The following CARMIL1 variants were observed in gnomAD, a reference collection of about 807,000 sequenced individuals.
The protein encoded by CARMIL1 is F-actin-uncapping protein LRRC16A.
In CARMIL1, 90 loss-of-function variants were observed where a neutral mutation model predicts 177.1. That is an observed-to-expected ratio of 0.51 (90% CI 0.43 to 0.61). The LOEUF is 0.61. CARMIL1 is among the 20% of genes least tolerant of loss of function. The probability of loss-of-function intolerance (pLI) is 0.00; values close to 1 mark genes in which losing one functional copy is unlikely to be tolerated. For missense variants in CARMIL1, 1,380 were observed against 1,667.0 expected, an observed-to-expected ratio of 0.83 and a Z score of 3.00; for synonymous variants, 577 against 606.2, an observed-to-expected ratio of 0.95 and a Z score of 0.71.
chr6:25,426,615 A>C (rs1796303458), intron 4 of CARMIL1, 55 bp downstream of exon 4: 1 of 1,507,974 alleles, frequency 6.6e-7, no homozygotes, highest in East Asian at 2.3e-5. Flanking sequence ...AATTCTTGAA[A>C]CCCTAAAATG....
intron 2 of CARMIL1, among the ~76,000 whole-genome samples, chr6:25,321,538 T>C (rs2150240231): frequency 6.6e-6 from 1 of 152,268 alleles, no homozygotes; most frequent in East Asian, 1.9e-4. Flanking sequence ...TAAGGTAATT[T>C]TCTGTATAAA....
chr6:25,484,241 G>C lies in CARMIL1; in HGVS notation c.961+1898G>C, dbSNP rs187198262. On this transcript the variant is annotated intron_variant, in intron 12 of 36. Transcript: ENST00000329474. ...TTCTGGACAATAAGGGCTTTGCCTC[G>C]TTCATTGCTGTGTCCTGGCACTTCT... Among the ~76,000 whole-genome samples the C allele has an allele frequency of 6.5e-3, 993 of 152,256 alleles. 14 individuals carry two copies. The highest frequency in any genetic ancestry group is 0.02 in the African/African-American group (822 of 41,552).
intron 8 of CARMIL1, 111 bp downstream of exon 8, chr6:25,450,822 TCCCTC>T: frequency 1.3e-4 from 2 of 15,880 alleles, no homozygotes; most frequent in Non-Finnish European, 2.6e-4. Context: ...CCCCTCCCCT[TCCCTC>T]CCCTTCCCTC....
chr6:25,475,296 C>T (rs1335666275), intron 11 of CARMIL1, among the ~76,000 whole-genome samples: 3 of 151,412 alleles, frequency 2.0e-5, no homozygotes, highest in Non-Finnish European at 2.9e-5. Flanking sequence ...CCCAGCTACT[C>T]GGGAGGCTGA....
At chr6:25,391,010 G>A (rs934420025) in intron 2 of CARMIL1, among the ~76,000 whole-genome samples, 3 of 152,208 alleles carry the variant, frequency 2.0e-5, no homozygotes, top group Non-Finnish European at 4.4e-5. Flanking sequence ...CCACTTTGTG[G>A]CTTTTAATAT....
intron 2 of CARMIL1, among the ~76,000 whole-genome samples, chr6:25,399,230 T>C (rs1340911846): frequency 3.9e-5 from 6 of 152,136 alleles, no homozygotes; most frequent in Admixed American, 3.3e-4. Flanking sequence ...ATACAGATGG[T>C]AGGGGCTGCA....
chr6:25,355,969 T>G (rs1478548265), intron 2 of CARMIL1, among the ~76,000 whole-genome samples: 3 of 152,124 alleles, frequency 2.0e-5, no homozygotes, highest in African/African-American at 7.2e-5. Flanking sequence ...CCCTGCTACT[T>G]ACACTCCTCC....
chr6:25,329,688 C>T (rs1368432066), intron 2 of CARMIL1, among the ~76,000 whole-genome samples: 2 of 152,198 alleles, frequency 1.3e-5, no homozygotes, highest in African/African-American at 4.8e-5. Context: ...CTGATTACCT[C>T]ATCAGTGATA....
rs1804173148 is a variant in CARMIL1, at chr6:25,500,245, C to T, written c.1395+10C>T. 1 of 1,611,810 alleles carries T rather than the reference C, an allele frequency of 6.2e-7. No individual in the cohort carries two copies. Among genetic ancestry groups the T allele is most frequent in the Admixed American group, 1.7e-5 (1 of 59,998 alleles). On this transcript the variant is annotated intron_variant, in intron 17 of 36. Transcript: ENST00000329474. ...TCTCAGCAACTGTGAGGTAAGAACA[C>T]CCTTAGATTGTATACTGGAATAGAT...
intron 2 of CARMIL1, among the ~76,000 whole-genome samples, chr6:25,297,873 A>T (rs1782543419): frequency 1.3e-5 from 2 of 152,120 alleles, no homozygotes; most frequent in African/African-American, 4.8e-5. Context: ...CTAGAGAGAG[A>T]TGCTTGTGGT....
intron 32 of CARMIL1, among the ~76,000 whole-genome samples, chr6:25,596,238 A>T (rs528052069): frequency 6.6e-6 from 1 of 152,316 alleles, no homozygotes; most frequent in African/African-American, 2.4e-5. Context: ...CAGTGCACAA[A>T]TAGAAATAAA....
In CARMIL1 at chr6:25,600,397, G is replaced by A. The variant is rs1562327646; in HGVS notation, c.3203G>A (p.Ser1068Asn). The A allele has an allele frequency of 1.2e-6, 2 of 1,614,002 alleles. No homozygotes were observed. Among genetic ancestry groups the A allele is most frequent in the Non-Finnish European group, 8.5e-7 (1 of 1,179,904 alleles). The change falls in exon 33 of 37, where the codon AGT becomes AAT. Residue 1068 changes from serine (S) to asparagine (N), a missense_variant. Physicochemically the swap from Ser to Asn is conservative, Grantham distance 46. Transcript: ENST00000329474. ...EKKKRDSRKSSGFLNLIKSRS... is the reference protein window; with the variant it reads ...EKKKRDSRKSNGFLNLIKSRS... ...AAAAAGCGAGATTCTCGGAAAAGTAGTGGCTTTCTCAATTTAATCAAATCC... is the reference window on the plus strand; with the variant it reads ...AAAAAGCGAGATTCTCGGAAAAGTAATGGCTTTCTCAATTTAATCAAATCC...
At chr6:25,497,129 A>G (rs1803810410) in intron 16 of CARMIL1, among the ~76,000 whole-genome samples, 1 of 152,224 alleles carries the variant, frequency 6.6e-6, no homozygotes, top group Non-Finnish European at 1.5e-5. Flanking sequence ...TTGTGTAAAT[A>G]AAATTCCATG....
At chr6:25,532,808 T>C (rs1483263225) in intron 24 of CARMIL1, among the ~76,000 whole-genome samples, 1 of 152,194 alleles carries the variant, frequency 6.6e-6, no homozygotes, top group African/African-American at 2.4e-5. Context: ...AGCAAACCTT[T>C]TCTGTAAAAA....
chr6:25,357,274 T>C (rs1279000519), intron 2 of CARMIL1, among the ~76,000 whole-genome samples: 1 of 152,176 alleles, frequency 6.6e-6, no homozygotes, highest in African/African-American at 2.4e-5. Context: ...TTCATGAATT[T>C]ATACCACAAA....
intron 2 of CARMIL1, among the ~76,000 whole-genome samples, chr6:25,387,546 C>T (rs1043971449): frequency 6.6e-6 from 1 of 152,186 alleles, no homozygotes; most frequent in Non-Finnish European, 1.5e-5. Flanking sequence ...AGTATATATT[C>T]TGCAATTCAG....
rs910881562 is a variant in CARMIL1, at chr6:25,537,951, C to T, written c.2164C>T (p.Arg722Trp). 2.6e-5 allele frequency: 41 copies of T among 1,604,380 alleles called. No homozygotes were observed. The highest frequency in any genetic ancestry group is 3.4e-5 in the Admixed American group (2 of 58,658). The change falls in exon 25 of 37, where the codon CGG becomes TGG. Residue 722 changes from arginine to tryptophan, a missense_variant. Coordinates refer to ENST00000329474, the MANE Select transcript of CARMIL1 (RefSeq NM_017640.6). Reference protein sequence around the residue: ...AIQEDLKSAERLMRDAKNSKT... With the variant: ...AIQEDLKSAEWLMRDAKNSKT... ...CCAGGAAGATTTAAAATCAGCAGAG[C>T]GGCTCATGCGTGATGCTAAGAACTC... is the stretch of plus-strand genomic sequence containing the variant.
intron 8 of CARMIL1, among the ~76,000 whole-genome samples, chr6:25,455,007 G>A (rs1007397483): frequency 6.6e-6 from 1 of 152,154 alleles, no homozygotes; most frequent in African/African-American, 2.4e-5. Context: ...GTGTTGAGCT[G>A]GAGTTTGTTA....
chr6:25,584,086 GGCAC>G (rs1813405852), intron 31 of CARMIL1, among the ~76,000 whole-genome samples: 4 of 144,938 alleles, frequency 2.8e-5, no homozygotes, highest in African/African-American at 1.0e-4. Flanking sequence ...GGAGTGCAGC[GGCAC>G]AGTCATGCCT....
Sources: allele counts gnomAD v4.1 joint callset (sites outside exome capture counted in the v4.1 genomes callset), GRCh38; gene constraint gnomAD v4.1.1; transcripts MANE v1.5; gene names NCBI Gene and HGNC (gene_info 2026-07-23, HGNC 2026-07-21).